The following ZIM2 variants were observed in gnomAD, a reference collection of about 807,000 sequenced individuals.
ZIM2 encodes the protein zinc finger imprinted 2.
ZIM2 carries 14 observed loss-of-function variants against 38.6 expected under a neutral mutation model. That is an observed-to-expected ratio of 0.36 (90% CI 0.24 to 0.57). ZIM2 has a LOEUF of 0.57. ZIM2 is among the 20% of genes least tolerant of loss of function. The probability of loss-of-function intolerance (pLI) is 0.81; values close to 1 mark genes in which losing one functional copy is unlikely to be tolerated. For synonymous variants in ZIM2, 247 were observed against 245.8 expected, an observed-to-expected ratio of 1.00 and a Z score of -0.04; for missense variants, 680 against 695.1, an observed-to-expected ratio of 0.98 and a Z score of 0.24.
intron 7 of ZIM2, among the ~76,000 whole-genome samples, chr19:56,821,070 ATT>A (rs1042294834): frequency 2.4e-4 from 37 of 152,344 alleles, no homozygotes; most frequent in African/African-American, 8.9e-4. Flanking sequence ...AACTGCCATA[ATT>A]GTTAACATTT....
chr19:56,790,151 T>C (rs1160330229), intron 9 of ZIM2, 200 bp from the exon 10 acceptor site: 3 of 410,624 alleles, frequency 7.3e-6, no homozygotes, highest in Non-Finnish European at 1.3e-5. Flanking sequence ...ATTTCCCAGC[T>C]CTAAATGCTT....
chr19:56,775,256 G>A lies in ZIM2; in HGVS notation c.1109C>T (p.Thr370Met), dbSNP rs113812503. The part of the protein sequence containing the change: ...RCEFCKRTFS[T>M]QVALRRHERI... ...TTCGTGTCTCCTAAGGGCTACTTGCGTACTAAAGGTTCGTTTGCAAAATTC... is the reference window on the plus strand; with the variant it reads ...TTCGTGTCTCCTAAGGGCTACTTGCATACTAAAGGTTCGTTTGCAAAATTC... The change falls in exon 13 of 13, where the codon ACG becomes ATG. Residue 370 changes from threonine (T) to methionine (M), a missense_variant. Thr to Met is a moderately conservative substitution (Grantham distance 81). Coordinates refer to ENST00000629319, the MANE Select transcript of ZIM2 (RefSeq NM_001387356.1). 17,526 of 1,614,090 alleles carry A rather than the reference G, an allele frequency of 0.011. 121 individuals carry two copies. The highest frequency in any genetic ancestry group is 0.012 in the Non-Finnish European group (13,888 of 1,180,026).
intron 12 of ZIM2, among the ~76,000 whole-genome samples, chr19:56,776,416 T>G (rs185643886): frequency 6.6e-6 from 1 of 152,200 alleles, no homozygotes; most frequent in African/African-American, 2.4e-5. Flanking sequence ...ACTTTTAATA[T>G]GCACCTTGAA....
At position 56,814,602 on chromosome 19, in the gene ZIM2, T is replaced by C. The variant is rs1257282498; in HGVS notation, c.490+3144A>G. On this transcript the variant is annotated intron_variant, in intron 9 of 12. Coordinates refer to ENST00000629319, the MANE Select transcript of ZIM2 (RefSeq NM_001387356.1). The surrounding 1 kb of genome is among the most constrained non-coding windows in gnomAD (Gnocchi z 5.8). ...CTCCACAGACTGCACATTCAAAGAG[T>C]CTCTCTTCGGTCTGACTTCTCTGAA... The C allele has an allele frequency of 1.2e-6, 2 of 1,613,790 alleles. No individual in the cohort carries two copies. The highest frequency in any genetic ancestry group is 1.7e-6 in the Non-Finnish European group (2 of 1,179,946).
chr19:56,833,599 T>C (rs2159551), intron 2 of ZIM2: 144,875 of 183,530 alleles, frequency 0.79, 57,398 homozygotes, highest in South Asian at 0.85. Context: ...CAAACTCAGA[T>C]GTGCAGAAGA....
chr19:56,800,613 AAGAG>A (rs1035897627), intron 9 of ZIM2, among the ~76,000 whole-genome samples: 18 of 152,092 alleles, frequency 1.2e-4, no homozygotes, highest in African/African-American at 4.1e-4. Flanking sequence ...AAGAGAGAGA[AAGAG>A]AGAAAAGATT....
At chr19:56,785,539 C>CA (rs1326637614) in intron 10 of ZIM2, among the ~76,000 whole-genome samples, 2 of 152,002 alleles carry the variant, frequency 1.3e-5, no homozygotes, top group Non-Finnish European at 2.9e-5. Flanking sequence ...ATTTTTGAAA[C>CA]AAAAAATCAG....
chr19:56,783,546 C>G (rs981018239), intron 10 of ZIM2, among the ~76,000 whole-genome samples: 2 of 152,196 alleles, frequency 1.3e-5, no homozygotes, highest in African/African-American at 4.8e-5. Context: ...AACGGGAAAC[C>G]ATTATCCTAA....
intron 9 of ZIM2, chr19:56,813,839 G>T: frequency 5.0e-6 from 8 of 1,614,168 alleles, no homozygotes; most frequent in Non-Finnish European, 6.8e-6. Context: ...GCATTTGCAG[G>T]CTCAAATATG....
At chr19:56,783,247 T>C (rs1215710217) in intron 10 of ZIM2, among the ~76,000 whole-genome samples, 2 of 152,194 alleles carry the variant, frequency 1.3e-5, no homozygotes, top group African/African-American at 4.8e-5. Context: ...AGAAATCAAT[T>C]AACTACAGTT....
chr19:56,811,981 C>A (rs928194854), intron 9 of ZIM2: 46 of 985,268 alleles, frequency 4.7e-5, no homozygotes, highest in Non-Finnish European at 5.5e-5. Flanking sequence ...TAAACTTTGA[C>A]ACTCCCTGCA....
chr19:56,819,151 T>C (rs1037574927), intron 7 of ZIM2, among the ~76,000 whole-genome samples: 1 of 152,058 alleles, frequency 6.6e-6, no homozygotes, highest in African/African-American at 2.4e-5. Context: ...TGGGAAAACT[T>C]AGACTAAATA....
rs367554520 is a variant in ZIM2, at chr19:56,775,093, G to A, written c.1272C>T (p.Ser424=). 68 of 1,614,088 alleles carry A rather than the reference G, an allele frequency of 4.2e-5. 1 individual carries two copies. The highest frequency in any genetic ancestry group is 1.6e-4 in the Middle Eastern group (1 of 6,062). Residue 424 remains serine (S), a synonymous_variant, in exon 13 of 13, where the codon TCC becomes TCT. Transcript: ENST00000629319. ...TSGCNEGRKP[S]VQCANLCERV... The stretch of plus-strand genomic sequence containing the variant: ...GTTCACAGAGATTCGCACACTGGAC[G>A]GAAGGCTTTCTACCTTCATTGCAGC...
intron 10 of ZIM2, among the ~76,000 whole-genome samples, chr19:56,786,820 TTTTTG>T (rs771515062): frequency 7.9e-5 from 12 of 152,042 alleles, no homozygotes; most frequent in South Asian, 2.1e-4. Context: ...GTTTTATTGT[TTTTTG>T]TTTTGTTTTG....
intron 4 of ZIM2, 122 bp downstream of exon 4, chr19:56,824,140 C>G: frequency 6.8e-7 from 1 of 1,472,450 alleles, no homozygotes; most frequent in Non-Finnish European, 9.1e-7. Flanking sequence ...CACAGGACAT[C>G]CCCACCGCTG....
At chr19:56,815,875 T>A in intron 9 of ZIM2, 2 of 1,613,396 alleles carry the variant, frequency 1.2e-6, no homozygotes, top group South Asian at 1.1e-5. Flanking sequence ...TCCCTTCTCA[T>A]TAGATTCCAC....
At chr19:56,792,000 T>G (rs2046953036) in intron 9 of ZIM2, among the ~76,000 whole-genome samples, 2 of 151,792 alleles carry the variant, frequency 1.3e-5, no homozygotes, top group African/African-American at 4.8e-5. Flanking sequence ...ACTTAATATA[T>G]TAATGCCACA....
rs754432380 is a variant in ZIM2 at position 56,821,774 on chromosome 19, C to T, written c.191-20G>A. On this transcript the variant is annotated intron_variant, in intron 6 of 12. Transcript: ENST00000629319. ...GCATCCCTGGGAAGAAAAAAGGCAT[C>T]AACAAGAAGCAGGGCCCAGTCCATC... 2 of 1,613,100 alleles carry T rather than the reference C, an allele frequency of 1.2e-6. No individual in the cohort carries two copies. Among genetic ancestry groups the T allele is most frequent in the Middle Eastern group, 3.3e-4 (2 of 5,972 alleles).
chr19:56,810,263 G>C (rs2048031624), intron 9 of ZIM2: 1 of 982,974 alleles, frequency 1.0e-6, no homozygotes, highest in South Asian at 4.7e-5. Context: ...TAACTTCAAA[G>C]TTTCTATAAT....
Sources: allele counts gnomAD v4.1 joint callset (sites outside exome capture counted in the v4.1 genomes callset), GRCh38; gene constraint gnomAD v4.1.1; non-coding constraint Gnocchi (gnomAD v3.1); transcripts MANE v1.5; gene names NCBI Gene and HGNC (gene_info 2026-07-23, HGNC 2026-07-21).